Variants in HK1 observed in about 807,000 individuals in gnomAD.
The protein encoded by HK1 is hexokinase-1.
A neutral mutation model predicts 91.6 loss-of-function variants in HK1; 28 were observed. The observed-to-expected ratio is 0.31, with a 90% CI of 0.23 to 0.42. The LOEUF is 0.42. Among genes scored for constraint, HK1 ranks in the 10% least tolerant of loss-of-function variants. The pLI, the probability that HK1 is intolerant of heterozygous loss-of-function variation, is 1.00. For synonymous variants in HK1, 430 were observed against 468.1 expected (o/e 0.92, Z 1.05); for missense variants, 770 against 1,219.8 (o/e 0.63, Z 5.49).
chr10:69,350,567 CAGG>C (rs1450567398), intron 2 of HK1, among the ~76,000 whole-genome samples: 1 of 151,930 alleles, frequency 6.6e-6, no homozygotes, highest in Non-Finnish European at 1.5e-5. Context: ...GAGGCTGAGG[CAGG>C]AGAATTGCTT....
intron 1 of HK1, among the ~76,000 whole-genome samples, chr10:69,324,383 G>A (rs961831525): frequency 6.6e-5 from 10 of 152,056 alleles, no homozygotes; most frequent in Admixed American, 1.3e-4. Flanking sequence ...TTGAGGTCAG[G>A]AGGTCGAGAC....
upstream of HK1, among the ~76,000 whole-genome samples, chr10:69,313,322 C>G (rs1443325962): frequency 2.0e-5 from 3 of 152,152 alleles, no homozygotes; most frequent in Admixed American, 2.0e-4. Context: ...GGTGGCTGCT[C>G]AGCTCCAGCA....
chr10:69,277,973 C>T (rs1164825354), intron 1 of HK1, among the ~76,000 whole-genome samples: 1 of 151,634 alleles, frequency 6.6e-6, no homozygotes, highest in Non-Finnish European at 1.5e-5. Flanking sequence ...GCGAAGGTTG[C>T]AGTGAGCCGA....
intron 1 of HK1, among the ~76,000 whole-genome samples, chr10:69,341,418 C>G (rs1213431423): frequency 6.6e-6 from 1 of 151,864 alleles, no homozygotes; most frequent in Non-Finnish European, 1.5e-5. Flanking sequence ...GCCTTAGCCT[C>G]CCAAAGTGTT....
intron 1 of HK1, among the ~76,000 whole-genome samples, chr10:69,327,327 A>G (rs1847442059): frequency 1.3e-5 from 2 of 152,260 alleles, no homozygotes; most frequent in Non-Finnish European, 2.9e-5. Flanking sequence ...GCTATACTGT[A>G]TGTATCCTTC....
At chr10:69,364,171 A>G (rs542031010) in intron 3 of HK1, among the ~76,000 whole-genome samples, 13 of 152,300 alleles carry the variant, frequency 8.5e-5, no homozygotes, top group African/African-American at 3.1e-4. Context: ...GTGTTTCTCC[A>G]TCTCGTGTTT....
chr10:69,328,782 G>A (rs10998719), intron 1 of HK1, among the ~76,000 whole-genome samples: 16,125 of 152,014 alleles, frequency 0.11, 1,142 homozygotes, highest in South Asian at 0.17. Flanking sequence ...AAAACTACCC[G>A]TTAGCAGTCA....
chr10:69,295,581 C>G, intron 3 of HK1: 1 of 1,211,878 alleles, frequency 8.3e-7, no homozygotes, highest in South Asian at 1.2e-5. Flanking sequence ...GTTGTGAATG[C>G]AAGTTGCTAA....
chr10:69,392,050 C>G, intron 14 of HK1, 75 bp from the exon 15 acceptor site: 1 of 1,503,406 alleles, frequency 6.7e-7, no homozygotes, highest in Non-Finnish European at 9.2e-7. Flanking sequence ...AACCTCAGGC[C>G]CCAGACCCCA....
In HK1 at chr10:69,388,164, G is replaced by GACTCACACCTGTAGCCAAGGC. The variant is rs1210234440; in HGVS notation, c.1936-1031_1936-1011dup. On this transcript the variant is annotated intron_variant, in intron 13 of 17. Transcript: ENST00000359426. ...AATATAGCTGCGGGTTGGGTGCAGT[G>GACTCACACCTGTAGCCAAGGC]ACTCACACCTGTAGCCAAGGCAGGA... 2.0e-5 allele frequency among the ~76,000 whole-genome samples: 3 copies of GACTCACACCTGTAGCCAAGGC among 152,154 alleles called. No homozygotes were observed. The East Asian group carries it at 5.8e-4, about 29-fold the overall frequency.
rs763439443 is a variant in HK1, at chr10:69,398,848, G to A, written c.2609+20G>A. 6.4e-7 allele frequency: 1 copy of A among 1,570,322 alleles called. No homozygotes were observed. ...TCCACAGTGAGTGGGCCTTCCAGTT[G>A]GGATGCGCAGAGCTTGCTGGGATCC... On this transcript the variant is annotated intron_variant, in intron 17 of 17. Coordinates refer to ENST00000359426, the MANE Select transcript of HK1 (RefSeq NM_000188.3).
At chr10:69,364,530 C>A (rs1240804919) in intron 3 of HK1, among the ~76,000 whole-genome samples, 5 of 152,052 alleles carry the variant, frequency 3.3e-5, no homozygotes, top group Admixed American at 1.3e-4. Context: ...ACTGAGAGGC[C>A]AGTTCTGTTG....
intron 3 of HK1, chr10:69,292,355 G>A (rs761676492): frequency 1.3e-5 from 6 of 445,606 alleles, no homozygotes; most frequent in Non-Finnish European, 2.2e-5. Flanking sequence ...TTACAGGTAT[G>A]AGCCACTGCA....
rs79002951 is a variant in HK1, at chr10:69,295,658, T to C, written c.-89T>C. 786 of 1,608,170 alleles carry C rather than the reference T, an allele frequency of 4.9e-4. 5 individuals carry two copies. The African/African-American group carries it at 8.8e-3, about 18-fold the overall frequency. Reference sequence around the variant, plus strand: ...GCTACAGCAGCTGAAAAACCAAAACTTCATCTACTTGCTGAAAGTGAGGTA... The same window carrying C: ...GCTACAGCAGCTGAAAAACCAAAACCTCATCTACTTGCTGAAAGTGAGGTA... On this transcript the variant is annotated 5_prime_UTR_variant, in exon 4 of 22. Transcript: ENST00000360289.
chr10:69,368,716 G>T (rs910604424), intron 5 of HK1, 85 bp downstream of exon 5: 5 of 1,059,046 alleles, frequency 4.7e-6, no homozygotes, highest in Non-Finnish European at 5.8e-6. Context: ...TGCCCTTCCT[G>T]GGGGGCAGTA....
intron 5 of HK1, among the ~76,000 whole-genome samples, chr10:69,302,379 AT>A (rs61340732): frequency 0.87 from 122,044 of 139,560 alleles, 53,686 homozygotes; most frequent in East Asian, 0.99. Context: ...TGGTATAATG[AT>A]TTTTTTTTTT....
chr10:69,383,130 A>C (rs1181718499), intron 10 of HK1, among the ~76,000 whole-genome samples: 1 of 152,132 alleles, frequency 6.6e-6, no homozygotes, highest in Non-Finnish European at 1.5e-5. Context: ...TGAGCCCAGG[A>C]GTTCAAGACC....
intron 3 of HK1, among the ~76,000 whole-genome samples, chr10:69,293,577 A>G (rs1172424196): frequency 6.6e-6 from 1 of 152,228 alleles, no homozygotes; most frequent in Non-Finnish European, 1.5e-5. Flanking sequence ...ATTTACCGGC[A>G]ATCCTGTGAG....
intron 14 of HK1, among the ~76,000 whole-genome samples, chr10:69,391,819 A>G (rs1021711919): frequency 2.0e-5 from 3 of 152,150 alleles, no homozygotes; most frequent in African/African-American, 7.2e-5. Context: ...TCTACCATTG[A>G]TGCTCCATCT....
Sources: allele counts gnomAD v4.1 joint callset (sites outside exome capture counted in the v4.1 genomes callset), GRCh38; gene constraint gnomAD v4.1.1; transcripts MANE v1.5; gene names NCBI Gene and HGNC (gene_info 2026-07-23, HGNC 2026-07-21).